Variants in STMN4 observed in about 807,000 individuals in gnomAD.
STMN4 encodes stathmin 4, also known as stathmin-4.
STMN4 carries 12 observed loss-of-function variants against 29.1 expected under a neutral mutation model. The ratio of observed to expected loss-of-function variants is 0.41; its 90% confidence interval spans 0.26 to 0.67. The LOEUF is 0.67. Among genes scored for constraint, STMN4 ranks in the 30% least tolerant of loss-of-function variants. The pLI is 0.30. For synonymous variants in STMN4, 114 were observed against 105.3 expected (o/e 1.08, Z -0.51); for missense variants, 181 against 262.8 (o/e 0.69, Z 2.15).
chr8:27,256,593 A>G (rs190943164), intron 1 of STMN4, among the ~76,000 whole-genome samples: 3 of 150,124 alleles, frequency 2.0e-5, no homozygotes, highest in East Asian at 1.9e-4. Flanking sequence ...ACATATATGT[A>G]CATTTGTACA....
rs145648288 is a variant in STMN4 at position 27,241,862 on chromosome 8, T to C, written c.110-105A>G. The C allele has an allele frequency of 2.4e-4, 335 of 1,385,216 alleles. 2 individuals carry two copies. The African/African-American group carries it at 4.3e-3, about 18-fold the overall frequency. The allele number at this position is 1,385,216 out of a possible 1,614,324, so 85.8% of individuals were successfully genotyped here. On this transcript the variant is annotated intron_variant, in intron 3 of 6. Coordinates refer to ENST00000350889, the MANE Select transcript of STMN4 (RefSeq NM_030795.4). Reference sequence around the variant, plus strand: ...CTAACCAGGACATTAGGAGGTGACCTGGTCCCCGAGCACCCCTGGTGAGGA... The same window carrying C: ...CTAACCAGGACATTAGGAGGTGACCCGGTCCCCGAGCACCCCTGGTGAGGA...
Position 27,242,251 on chromosome 8 carries a change from G to T in STMN4, c.109+146C>A, listed in dbSNP as rs556754352. ...GGACCACTGCAGCTCAGACCCTCGG[G>T]CTCACCCGCTGTGATTTCATCGGCA... On this transcript the variant is annotated intron_variant, in intron 3 of 6. Coordinates refer to ENST00000350889, the MANE Select transcript of STMN4 (RefSeq NM_030795.4). 7 of 812,552 alleles carry T rather than the reference G, an allele frequency of 8.6e-6. No homozygotes were observed. In the South Asian group the frequency reaches 1.2e-4, roughly 14 times the overall value. 50.3% of individuals were successfully genotyped at this position (812,552 alleles called of 1,614,324 possible).
chr8:27,242,095 ATCTG>A (rs1351806576), intron 3 of STMN4: 1 of 559,300 alleles, frequency 1.8e-6, no homozygotes. Context: ...CAGGTAGAAT[ATCTG>A]TCTGGCTCAC....
intron 6 of STMN4, chr8:27,239,243 G>A (rs1183955903): frequency 2.0e-6 from 3 of 1,535,628 alleles, no homozygotes; most frequent in East Asian, 2.4e-5. Context: ...CGAGGCCACC[G>A]ATCAGGTCCC....
chr8:27,239,094 G>A (rs909473466), intron 6 of STMN4: 20 of 1,096,616 alleles, frequency 1.8e-5, no homozygotes, highest in East Asian at 5.6e-5. Flanking sequence ...GGGCTGCCTC[G>A]TGCTGGCCAG....
At chr8:27,239,633 G>A in intron 6 of STMN4, 2 of 1,290,384 alleles carry the variant, frequency 1.5e-6, no homozygotes, top group Non-Finnish European at 1.0e-6. Context: ...CAGGGATGAA[G>A]CTAGGAATGC....
At chr8:27,242,870 C>G (rs11783810) in intron 2 of STMN4, among the ~76,000 whole-genome samples, 9,510 of 152,254 alleles carry the variant, frequency 0.062, 416 homozygotes, top group Non-Finnish European at 0.092. Context: ...CTCCAGGACA[C>G]AGGAGACCCA....
intron 1 of STMN4, among the ~76,000 whole-genome samples, chr8:27,249,007 C>T (rs1203506602): frequency 1.3e-5 from 2 of 152,188 alleles, no homozygotes; most frequent in South Asian, 4.1e-4. Flanking sequence ...ATCTAAGAGT[C>T]TGTACAGAAA....
At chr8:27,253,350 C>T (rs1801847184) in intron 1 of STMN4, among the ~76,000 whole-genome samples, 1 of 152,172 alleles carries the variant, frequency 6.6e-6, no homozygotes, top group Non-Finnish European at 1.5e-5. Flanking sequence ...TATTTCACTA[C>T]ATTAAGAACA....
In STMN4 at chr8:27,240,029, G is replaced by A; in HGVS notation, c.533C>T (p.Ser178Phe). The stretch of plus-strand genomic sequence containing the variant: ...GTGGGCCTCCCTGTTCTCCTTGTTG[G>A]ATTCCATCTTCTGGGCCAGTTTTTC... ...AKEKLAQKME[S>F]NKENREAHLA... Residue 178 changes from serine to phenylalanine, a missense_variant, in exon 6 of 7, where the codon TCC becomes TTC. Coordinates refer to ENST00000350889, the MANE Select transcript of STMN4 (RefSeq NM_030795.4). The A allele has an allele frequency of 6.2e-7, 1 of 1,614,194 alleles. No individual in the cohort carries two copies. Among genetic ancestry groups the A allele is most frequent in the Non-Finnish European group, 8.5e-7 (1 of 1,180,028 alleles).
At chr8:27,253,790 T>C (rs568708122) in intron 1 of STMN4, among the ~76,000 whole-genome samples, 1 of 7,736 alleles carries the variant, frequency 1.3e-4, no homozygotes, top group East Asian at 0.1. Context: ...AAAGGAATTG[T>C]TTTTTTTTTT....
intron 4 of STMN4, among the ~76,000 whole-genome samples, chr8:27,241,471 C>A (rs1225646575): frequency 5.9e-5 from 9 of 152,196 alleles, no homozygotes; most frequent in Admixed American, 5.2e-4. Context: ...CTTCAGCCTG[C>A]AAGAATAGGG....
chr8:27,246,981 G>A (rs771898382), intron 1 of STMN4, among the ~76,000 whole-genome samples: 2 of 152,124 alleles, frequency 1.3e-5, no homozygotes, highest in Non-Finnish European at 2.9e-5. Context: ...GTGGCCAGGC[G>A]TGGTGCCTCA....
At position 27,240,069 on chromosome 8, in the gene STMN4, T is replaced by C. The variant is rs1255990043; in HGVS notation, c.493A>G (p.Ile165Val). The C allele has an allele frequency of 2.3e-5, 37 of 1,614,136 alleles. No homozygotes were observed. Among genetic ancestry groups the C allele is most frequent in the Middle Eastern group, 1.6e-4 (1 of 6,084 alleles). ...QKAIEENNNF[I>V]KMAKEKLAQK... ...GCCAGTTTTTCCTTAGCCATCTTGA[T>C]GAAGTTGTTGTTTTCCTCAATGGCC... is the stretch of plus-strand genomic sequence containing the variant. The change falls in exon 6 of 7, where the codon ATC becomes GTC. Residue 165 changes from isoleucine (I) to valine (V), a missense_variant. Physicochemically the swap from Ile to Val is conservative, Grantham distance 29. Transcript: ENST00000350889.
intron 1 of STMN4, among the ~76,000 whole-genome samples, chr8:27,255,798 C>A (rs1229377618): frequency 1.3e-5 from 2 of 152,094 alleles, no homozygotes; most frequent in Non-Finnish European, 2.9e-5. Context: ...ATTTGGGTTT[C>A]TTTTATTGAA....
chr8:27,236,894 G>A lies in STMN4; in HGVS notation c.603C>T (p.Ala201=), dbSNP rs73563904. 101 of 1,607,856 alleles carry A rather than the reference G, an allele frequency of 6.3e-5. 1 individual carries two copies. The South Asian group carries it at 8.4e-4, about 13-fold the overall frequency. ...GCTCCTTGTTTTTCCGCACCTCCTCGGCGTGCTTGTCCTGGAAAGGAAGGG... is the reference window on the plus strand; with the variant it reads ...GCTCCTTGTTTTTCCGCACCTCCTCAGCGTGCTTGTCCTGGAAAGGAAGGG... ...LERLQEKDKH[A]EEVRKNKELK... is the part of the protein sequence containing the mutation. The change falls in exon 7 of 7, where the codon GCC becomes GCT. Residue 201 remains alanine (A), a synonymous_variant. Coordinates refer to ENST00000350889, the MANE Select transcript of STMN4 (RefSeq NM_030795.4).
intron 1 of STMN4, among the ~76,000 whole-genome samples, chr8:27,246,201 G>A (rs971298806): frequency 9.9e-5 from 15 of 152,168 alleles, no homozygotes; most frequent in Admixed American, 9.8e-4. Flanking sequence ...GGAAGGAAAT[G>A]GGCTAGGAGT....
At chr8:27,248,640 G>A (rs569924205) in intron 1 of STMN4, among the ~76,000 whole-genome samples, 9 of 152,274 alleles carry the variant, frequency 5.9e-5, no homozygotes, top group Non-Finnish European at 8.8e-5. Flanking sequence ...GGAAAAGCAC[G>A]GCTGTTATCT....
chr8:27,244,724 C>T (rs1031323403), intron 1 of STMN4, among the ~76,000 whole-genome samples: 6 of 151,664 alleles, frequency 4.0e-5, no homozygotes, highest in South Asian at 2.1e-4. Flanking sequence ...AGCTAGTTGA[C>T]GCTAGATCAG....
Sources: allele counts gnomAD v4.1 joint callset (sites outside exome capture counted in the v4.1 genomes callset), GRCh38; gene constraint gnomAD v4.1.1; transcripts MANE v1.5; gene names NCBI Gene and HGNC (gene_info 2026-07-23, HGNC 2026-07-21).